Variants in FAM168A observed in about 807,000 individuals in gnomAD.
FAM168A encodes family with sequence similarity 168 member A.
FAM168A carries 3 observed loss-of-function variants against 28.5 expected under a neutral mutation model. The ratio of observed to expected loss-of-function variants is 0.11; its 90% CI spans 0.05 to 0.27. The LOEUF is 0.27. Ranked by LOEUF, FAM168A falls within the 10% of genes least tolerant of loss-of-function variation. The pLI, the probability that FAM168A is intolerant of heterozygous loss-of-function variation, is 1.00. For missense variants in FAM168A, 222 were observed against 311.5 expected, an observed-to-expected ratio of 0.71 and a Z score of 2.16; for synonymous variants, 122 against 124.2, an observed-to-expected ratio of 0.98 and a Z score of 0.12.
Position 73,401,041 on chromosome 11 carries a change from ATTCT to A in FAM168A, c.*5718_*5721del, listed in dbSNP as rs1172284255. ...GACTGTGTTTTGAAAACACCTATAA[ATTCT>A]TTGATCAAACTACTTGGAAGACACT... On this transcript the variant is annotated 3_prime_UTR_variant, in exon 8 of 8. Coordinates refer to ENST00000356467, the MANE Select transcript of FAM168A (RefSeq NM_015159.3). 1 of 151,432 alleles carries A rather than the reference ATTCT, an allele frequency of 6.6e-6. No homozygotes were observed. The highest frequency in any genetic ancestry group is 1.5e-5 in the Non-Finnish European group (1 of 67,900). 9.4% of individuals were successfully genotyped at this position (151,432 alleles called of 1,614,324 possible). A position where few individuals can be genotyped will look rare whatever the true frequency, so the allele number is the denominator to read the frequency against.
chr11:73,507,049 AG>A lies in FAM168A; in HGVS notation c.-18-38558del, dbSNP rs1199187266. On this transcript the variant is annotated intron_variant, in intron 1 of 7. Coordinates refer to ENST00000356467, the MANE Select transcript of FAM168A (RefSeq NM_015159.3). ...ATATTATACTTAACGACCCTTGAAA[AG>A]AAAACACACACACAACAAAATCCTC... Among the ~76,000 whole-genome samples, 8 of 152,236 alleles carry A rather than the reference AG, an allele frequency of 5.3e-5. No homozygotes were observed. In the East Asian group the frequency reaches 1.5e-3, roughly 29 times the overall value.
intron 4 of FAM168A, among the ~76,000 whole-genome samples, chr11:73,419,112 C>A (rs1866748009): frequency 6.6e-6 from 1 of 152,200 alleles, no homozygotes; most frequent in Non-Finnish European, 1.5e-5. Flanking sequence ...GCCCGGCTGC[C>A]ACTCAGTAAT....
intron 4 of FAM168A, among the ~76,000 whole-genome samples, chr11:73,417,103 G>A (rs1351001484): frequency 6.6e-6 from 1 of 152,194 alleles, no homozygotes; most frequent in Non-Finnish European, 1.5e-5. Context: ...CAGACTTCCT[G>A]TGGAAAGGGT....
chr11:73,411,416 G>T lies in FAM168A; in HGVS notation c.398C>A (p.Pro133His). ...TAMYPIRSAY[P>H]QQNLYAQGAY... ...TACCTGGGCATACAGATTCTGCTGG[G>T]GGTAGGCACTTCTGATTGGATACAT... is the stretch of plus-strand genomic sequence containing the variant. The change falls in exon 5 of 8, where the codon CCC becomes CAC. Residue 133 changes from proline to histidine, a missense_variant. Coordinates refer to ENST00000356467, the MANE Select transcript of FAM168A (RefSeq NM_015159.3). 1 of 1,609,614 alleles carries T rather than the reference G, an allele frequency of 6.2e-7. No individual in the cohort carries two copies. Among genetic ancestry groups the T allele is most frequent in the South Asian group, 1.1e-5 (1 of 90,394 alleles).
intron 2 of FAM168A, among the ~76,000 whole-genome samples, chr11:73,451,292 T>C (rs1213602465): frequency 6.6e-6 from 1 of 152,228 alleles, no homozygotes; most frequent in Non-Finnish European, 1.5e-5. Context: ...TGTGAATTAC[T>C]GTTTAGAGAA....
chr11:73,522,526 T>C lies in FAM168A; in HGVS notation c.-18-54034A>G, dbSNP rs532789934. 2.0e-4 allele frequency among the ~76,000 whole-genome samples: 31 copies of C among 151,870 alleles called. No individual in the cohort carries two copies. The South Asian group carries it at 4.4e-3, about 21-fold the overall frequency. ...TAATTTTTTGTATTTTTAGTAGAGA[T>C]GGGGTTTTACTGTGTTAGCCAGGAT... On this transcript the variant is annotated intron_variant, in intron 1 of 7. Coordinates refer to ENST00000356467, the MANE Select transcript of FAM168A (RefSeq NM_015159.3).
chr11:73,437,456 T>C (rs903514612), intron 2 of FAM168A, among the ~76,000 whole-genome samples: 1 of 142,328 alleles, frequency 7.0e-6, no homozygotes, highest in Non-Finnish European at 1.5e-5. Context: ...CAATCTAAAG[T>C]GCAGTGGTGC....
At chr11:73,407,187 G>A (rs927610219) in intron 7 of FAM168A, among the ~76,000 whole-genome samples, 2 of 152,244 alleles carry the variant, frequency 1.3e-5, no homozygotes, top group East Asian at 1.9e-4. Context: ...ATTTTTACTG[G>A]CTAAGTGATA....
intron 1 of FAM168A, among the ~76,000 whole-genome samples, chr11:73,553,366 A>G (rs1184822967): frequency 6.6e-6 from 1 of 152,224 alleles, no homozygotes; most frequent in Non-Finnish European, 1.5e-5. Flanking sequence ...AAGAAAGACC[A>G]TGACCAAATG....
chr11:73,585,537 T>G (rs1944302796), intron 1 of FAM168A, among the ~76,000 whole-genome samples: 1 of 152,096 alleles, frequency 6.6e-6, no homozygotes, highest in Middle Eastern at 3.2e-3. Flanking sequence ...CTACTAAATA[T>G]CCAAATTATT....
chr11:73,439,689 C>T (rs887340197), intron 2 of FAM168A, among the ~76,000 whole-genome samples: 27 of 151,956 alleles, frequency 1.8e-4, no homozygotes, highest in African/African-American at 6.3e-4. Flanking sequence ...CTCTCAATCC[C>T]CATTCTAGGA....
At chr11:73,584,534 C>T (rs1199409873) in intron 1 of FAM168A, among the ~76,000 whole-genome samples, 4 of 143,442 alleles carry the variant, frequency 2.8e-5, no homozygotes, top group Admixed American at 2.2e-4. Context: ...AGTGCAGTGG[C>T]GCAATCTCGG....
chr11:73,589,524 T>C (rs545585589), intron 1 of FAM168A, among the ~76,000 whole-genome samples: 85 of 148,208 alleles, frequency 5.7e-4, no homozygotes, highest in Middle Eastern at 7.0e-3. Context: ...AAAAAAAGTG[T>C]GTATAATTTT....
intron 1 of FAM168A, among the ~76,000 whole-genome samples, chr11:73,483,656 T>C (rs1867998787): frequency 6.6e-6 from 1 of 152,132 alleles, no homozygotes; most frequent in Non-Finnish European, 1.5e-5. Context: ...TAGGAAAATA[T>C]TTTGCAGTCG....
intron 1 of FAM168A, among the ~76,000 whole-genome samples, chr11:73,532,926 G>GA (rs1943532084): frequency 6.6e-6 from 1 of 152,132 alleles, no homozygotes; most frequent in Non-Finnish European, 1.5e-5. Context: ...TGGGAAAGAG[G>GA]AAAAATGCTA....
At chr11:73,487,727 T>G (rs1868071810) in intron 1 of FAM168A, among the ~76,000 whole-genome samples, 1 of 152,170 alleles carries the variant, frequency 6.6e-6, no homozygotes, top group Non-Finnish European at 1.5e-5. Flanking sequence ...GAAACCTTTT[T>G]TCTCTAATCT....
At chr11:73,584,156 G>T (rs1944281050) in intron 1 of FAM168A, among the ~76,000 whole-genome samples, 1 of 150,878 alleles carries the variant, frequency 6.6e-6, no homozygotes, top group African/African-American at 2.5e-5. Context: ...ATTTAGAAAG[G>T]GGTGTTTTTT....
At chr11:73,486,717 T>A (rs1352975414) in intron 1 of FAM168A, among the ~76,000 whole-genome samples, 1 of 152,224 alleles carries the variant, frequency 6.6e-6, no homozygotes, top group Non-Finnish European at 1.5e-5. Context: ...AAATAGATCA[T>A]TTAGATGGAG....
intron 1 of FAM168A, among the ~76,000 whole-genome samples, chr11:73,511,367 G>A (rs1340650811): frequency 6.6e-6 from 1 of 151,850 alleles, no homozygotes; most frequent in Non-Finnish European, 1.5e-5. Flanking sequence ...CTCCCAAGTA[G>A]CTGAGACTAC....
Sources: gnomAD v4.1 joint callset for allele counts (sites outside exome capture counted in the v4.1 genomes callset) on GRCh38, gnomAD v4.1.1 for gene constraint, MANE v1.5 for transcripts, NCBI Gene and HGNC (gene_info 2026-07-23, HGNC 2026-07-21) for gene names.